The following LUZP2 variants were observed in gnomAD, a reference collection of about 807,000 sequenced individuals.
LUZP2 encodes the protein leucine zipper protein 2.
In LUZP2, 52 loss-of-function variants were observed where a neutral mutation model predicts 51.6. The ratio of observed to expected loss-of-function variants is 1.01; its 90% CI spans 0.81 to 1.27. LUZP2 has a LOEUF of 1.27. LUZP2 is among the 50% of genes most tolerant of loss of function. The pLI is 0.00. For missense variants in LUZP2, 436 were observed against 395.4 expected (o/e 1.10, Z -0.87); for synonymous variants, 154 against 137.3 (o/e 1.12, Z -0.85).
chr11:24,937,696 T>G (rs1338036040), intron 7 of LUZP2, among the ~76,000 whole-genome samples: 1 of 151,758 alleles, frequency 6.6e-6, no homozygotes. Context: ...GGTCAGGAGA[T>G]CAAGACCATC....
intron 5 of LUZP2, among the ~76,000 whole-genome samples, chr11:24,792,608 A>G (rs1314961107): frequency 6.6e-6 from 1 of 152,170 alleles, no homozygotes; most frequent in African/African-American, 2.4e-5. Context: ...AATGAAGTTC[A>G]TTGAAGTTCG....
At chr11:24,996,577 AT>A (rs1565205189) in intron 9 of LUZP2, among the ~76,000 whole-genome samples, 3 of 4,158 alleles carry the variant, frequency 7.2e-4, no homozygotes, top group African/African-American at 7.4e-4. Flanking sequence ...TTCTTTTTTT[AT>A]TTTATTTTAT....
intron 1 of LUZP2, among the ~76,000 whole-genome samples, chr11:24,715,261 CTATGTGTGTGTG>C (rs1174444494): frequency 4.1e-5 from 3 of 73,594 alleles, no homozygotes; most frequent in South Asian, 1.1e-3. Flanking sequence ...CAAGGAGCAA[CTATGTGTGTGTG>C]TGTGTGTGTG....
At chr11:24,811,256 T>G (rs1850010578) in intron 5 of LUZP2, among the ~76,000 whole-genome samples, 1 of 152,182 alleles carries the variant, frequency 6.6e-6, no homozygotes, top group African/African-American at 2.4e-5. Context: ...GCCCTCAGAA[T>G]CCTGCAAGCC....
chr11:24,943,745 G>A (rs1854823662), intron 7 of LUZP2, among the ~76,000 whole-genome samples: 1 of 151,882 alleles, frequency 6.6e-6, no homozygotes, highest in South Asian at 2.1e-4. Flanking sequence ...GGGTGTCGTG[G>A]TGCATGCCTG....
At chr11:24,736,481 TTCC>T (rs1858943385) in intron 3 of LUZP2, among the ~76,000 whole-genome samples, 1 of 24,024 alleles carries the variant, frequency 4.2e-5, no homozygotes, top group Non-Finnish European at 2.8e-4. Context: ...CCTTCCTTCC[TTCC>T]TTCCTTCCTT....
rs1291012899 is a variant in LUZP2, at chr11:24,853,910, A to G, written c.397-52081A>G. On this transcript the variant is annotated intron_variant, in intron 5 of 11. Coordinates refer to ENST00000336930, the MANE Select transcript of LUZP2 (RefSeq NM_001009909.4). ...AGGTCTGTTGGAGTTTGCTGGAGGC[A>G]CGCTCCAGAGCCTTTTTGCCTGGAT... 2.6e-5 allele frequency among the ~76,000 whole-genome samples: 4 copies of G among 152,258 alleles called. No homozygotes were observed. The South Asian group carries it at 8.3e-4, about 32-fold the overall frequency.
At chr11:24,722,672 C>T (rs1020142017) in intron 1 of LUZP2, among the ~76,000 whole-genome samples, 14 of 152,210 alleles carry the variant, frequency 9.2e-5, no homozygotes, top group African/African-American at 2.9e-4. Flanking sequence ...AATCCCAGCA[C>T]TTTGGGAGGC....
intron 5 of LUZP2, among the ~76,000 whole-genome samples, chr11:24,864,367 C>T (rs1015030105): frequency 6.6e-6 from 1 of 152,042 alleles, no homozygotes; most frequent in African/African-American, 2.4e-5. Context: ...TTTTTTGTGC[C>T]TTTATAATTA....
At chr11:24,548,502 A>C (rs1198749915) in intron 1 of LUZP2, among the ~76,000 whole-genome samples, 1 of 152,064 alleles carries the variant, frequency 6.6e-6, no homozygotes, top group Non-Finnish European at 1.5e-5. Context: ...CTAAACATTG[A>C]GTACACAGGA....
chr11:24,745,542 G>A lies in LUZP2; in HGVS notation c.333+7240G>A, dbSNP rs116966213. On this transcript the variant is annotated intron_variant, in intron 4 of 11. Transcript: ENST00000336930. ...GAATAGCTACCCCTGCTTGCTTTTC[G>A]TGTCCATTTTCATGAATTGCCCTTT... Among the ~76,000 whole-genome samples, 35 of 152,082 alleles carry A rather than the reference G, an allele frequency of 2.3e-4. No individual in the cohort carries two copies. The East Asian group carries it at 2.7e-3, about 12-fold the overall frequency.
rs188370097 is a variant in LUZP2, at chr11:24,644,247, C to A, written c.63-84922C>A. ...GGATGCTTGACTCTTTCTTATGTTT[C>A]TTATAATGTCAATTGCTGGCAGCTG... On this transcript the variant is annotated intron_variant, in intron 1 of 11. Transcript: ENST00000336930. 3.3e-5 allele frequency among the ~76,000 whole-genome samples: 5 copies of A among 152,240 alleles called. 1 individual carries two copies. The East Asian group carries it at 9.7e-4, about 29-fold the overall frequency.
chr11:24,527,023 G>T (rs1850828894), intron 1 of LUZP2, among the ~76,000 whole-genome samples: 1 of 151,306 alleles, frequency 6.6e-6, no homozygotes, highest in Non-Finnish European at 1.5e-5. Context: ...ATCCAATTTT[G>T]ATGCTTTTTA....
intron 5 of LUZP2, among the ~76,000 whole-genome samples, chr11:24,895,873 T>G (rs1288842206): frequency 6.6e-6 from 1 of 152,198 alleles, no homozygotes. Flanking sequence ...GATTGCTGAG[T>G]TGAACGGTAG....
intron 1 of LUZP2, among the ~76,000 whole-genome samples, chr11:24,543,247 T>G (rs1851435859): frequency 6.6e-6 from 1 of 152,032 alleles, no homozygotes; most frequent in African/African-American, 2.4e-5. Flanking sequence ...CTGCGAAAGG[T>G]ATACCTTCAC....
At chr11:24,748,375 T>A (rs1859454894) in intron 4 of LUZP2, among the ~76,000 whole-genome samples, 1 of 152,100 alleles carries the variant, frequency 6.6e-6, no homozygotes, top group South Asian at 2.1e-4. Flanking sequence ...AATTCCACGG[T>A]TTGGGTACTC....
intron 1 of LUZP2, among the ~76,000 whole-genome samples, chr11:24,616,679 T>C (rs1405936027): frequency 6.6e-6 from 1 of 152,192 alleles, no homozygotes; most frequent in African/African-American, 2.4e-5. Context: ...GTACTTCCAC[T>C]AATACCACAC....
At chr11:24,583,533 G>C (rs554103200) in intron 1 of LUZP2, among the ~76,000 whole-genome samples, 4 of 152,160 alleles carry the variant, frequency 2.6e-5, no homozygotes, top group South Asian at 2.1e-4. Flanking sequence ...CAAATAACCA[G>C]ACTATTTGGC....
chr11:24,994,334 A>C (rs1327814240), intron 9 of LUZP2, among the ~76,000 whole-genome samples: 1 of 152,164 alleles, frequency 6.6e-6, no homozygotes, highest in African/African-American at 2.4e-5. Context: ...GGTAGTGATC[A>C]AACTTCATTT....
Sources: allele counts gnomAD v4.1 joint callset (sites outside exome capture counted in the v4.1 genomes callset), GRCh38; gene constraint gnomAD v4.1.1; transcripts MANE v1.5; gene names NCBI Gene and HGNC (gene_info 2026-07-23, HGNC 2026-07-21).